Variants in NKAIN1 observed in about 807,000 individuals in gnomAD.
NKAIN1 encodes the protein sodium/potassium-transporting ATPase subunit beta-1-interacting protein 1.
In NKAIN1, 13 loss-of-function variants were observed where a neutral mutation model predicts 31.6. The observed-to-expected ratio is 0.41, with a 90% CI of 0.27 to 0.65. The LOEUF (loss-of-function observed/expected upper bound fraction) is 0.65, where lower values mean the gene tolerates loss of function less well. NKAIN1 is among the 30% of genes least tolerant of loss of function. NKAIN1 has a pLI of 0.30. For missense variants in NKAIN1, 193 were observed against 262.2 expected, an observed-to-expected ratio of 0.74 and a Z score of 1.82; for synonymous variants, 104 against 109.0, an observed-to-expected ratio of 0.95 and a Z score of 0.28.
At chr1:31,184,502 C>A (rs1347035596) in intron 3 of NKAIN1, among the ~76,000 whole-genome samples, 1 of 152,116 alleles carries the variant, frequency 6.6e-6, no homozygotes, top group Non-Finnish European at 1.5e-5. Context: ...CGACCAGGGG[C>A]CAAGCACTCA....
Position 31,213,532 on chromosome 1 carries a change from G to T in NKAIN1, c.55-25345C>A, listed in dbSNP as rs115243828. Among the ~76,000 whole-genome samples, 837 of 152,308 alleles carry T rather than the reference G, an allele frequency of 5.5e-3. 11 individuals carry two copies. Among genetic ancestry groups the T allele is most frequent in the African/African-American group, 0.019 (805 of 41,556 alleles). The stretch of plus-strand genomic sequence containing the variant: ...AATGGGGCTAGTTCTTCCAACAGCT[G>T]GACACAGAGATATCATGCGGCCCTG... On this transcript the variant is annotated intron_variant, in intron 1 of 6. Coordinates refer to ENST00000373736, the MANE Select transcript of NKAIN1 (RefSeq NM_024522.3).
chr1:31,205,184 A>G (rs1487540555), intron 1 of NKAIN1, among the ~76,000 whole-genome samples: 1 of 152,040 alleles, frequency 6.6e-6, no homozygotes, highest in African/African-American at 2.4e-5. Flanking sequence ...GGGCTGGAAT[A>G]CAATGGCTCG....
At chr1:31,230,051 C>T (rs373313313) in intron 1 of NKAIN1, among the ~76,000 whole-genome samples, 7 of 152,152 alleles carry the variant, frequency 4.6e-5, no homozygotes, top group Non-Finnish European at 7.3e-5. Context: ...GAGAAGACCA[C>T]GGTCCAGCAA....
intron 1 of NKAIN1, among the ~76,000 whole-genome samples, chr1:31,191,246 G>A (rs1026266708): frequency 2.1e-4 from 31 of 150,712 alleles, no homozygotes; most frequent in African/African-American, 6.8e-4. Flanking sequence ...AGCCAAGATC[G>A]CGCCACTGTA....
chr1:31,210,952 T>C (rs148658448), intron 1 of NKAIN1, among the ~76,000 whole-genome samples: 1 of 152,330 alleles, frequency 6.6e-6, no homozygotes, highest in Non-Finnish European at 1.5e-5. Context: ...AAAGCAGACA[T>C]AGCCCCTGTC....
chr1:31,204,500 C>T (rs1218957355), intron 1 of NKAIN1, among the ~76,000 whole-genome samples: 4 of 152,116 alleles, frequency 2.6e-5, no homozygotes, highest in Admixed American at 6.6e-5. Flanking sequence ...TCCCAGATGC[C>T]GGGACCCCGG....
chr1:31,197,693 CCT>C (rs1268260079), intron 1 of NKAIN1, among the ~76,000 whole-genome samples: 37 of 150,148 alleles, frequency 2.5e-4, no homozygotes, highest in Non-Finnish European at 4.4e-4. Flanking sequence ...ATTACAGGCA[CCT>C]GCCACCAAGC....
At chr1:31,223,516 C>T (rs1287031662) in intron 1 of NKAIN1, among the ~76,000 whole-genome samples, 3 of 152,128 alleles carry the variant, frequency 2.0e-5, no homozygotes, top group African/African-American at 7.2e-5. Flanking sequence ...GCGATCTCCG[C>T]TTACTGCAAG....
At chr1:31,221,525 T>TC (rs1019593353) in intron 1 of NKAIN1, among the ~76,000 whole-genome samples, 1 of 152,052 alleles carries the variant, frequency 6.6e-6, no homozygotes, top group African/African-American at 2.4e-5. Context: ...AACATCCGCC[T>TC]CCCGGGTTCA....
intron 2 of NKAIN1, among the ~76,000 whole-genome samples, chr1:31,186,982 G>C (rs977763598): frequency 6.6e-6 from 1 of 152,236 alleles, no homozygotes; most frequent in African/African-American, 2.4e-5. Flanking sequence ...TTCTACCCAA[G>C]TCCTGTGCCT....
At chr1:31,197,769 A>G (rs2148353847) in intron 1 of NKAIN1, among the ~76,000 whole-genome samples, 1 of 149,954 alleles carries the variant, frequency 6.7e-6, no homozygotes, top group Non-Finnish European at 1.5e-5. Context: ...CTGGTCTCAA[A>G]CTCCTGACCT....
At chr1:31,224,153 C>G (rs926302446) in intron 1 of NKAIN1, among the ~76,000 whole-genome samples, 2 of 152,192 alleles carry the variant, frequency 1.3e-5, no homozygotes, top group Non-Finnish European at 2.9e-5. Context: ...GAATGGGCAG[C>G]TGCAGAGGTT....
At chr1:31,236,153 C>T (rs1645690980) in intron 1 of NKAIN1, among the ~76,000 whole-genome samples, 4 of 152,200 alleles carry the variant, frequency 2.6e-5, no homozygotes, top group South Asian at 4.1e-4. Context: ...CCCAAAATTG[C>T]ATAGCCAGGA....
At chr1:31,188,772 C>G (rs1348216150) in intron 1 of NKAIN1, among the ~76,000 whole-genome samples, 1 of 152,144 alleles carries the variant, frequency 6.6e-6, no homozygotes, top group Non-Finnish European at 1.5e-5. Context: ...TTGGCAAACA[C>G]AATGCAAACC....
intron 1 of NKAIN1, among the ~76,000 whole-genome samples, chr1:31,197,796 C>T (rs959064056): frequency 6.6e-6 from 1 of 152,200 alleles, no homozygotes; most frequent in Middle Eastern, 3.4e-3. Context: ...ATCTGCCCAC[C>T]GTGGCCTCCC....
intron 1 of NKAIN1, among the ~76,000 whole-genome samples, chr1:31,230,673 T>C (rs1223725109): frequency 1.3e-5 from 2 of 152,092 alleles, no homozygotes; most frequent in Admixed American, 6.6e-5. Context: ...TAAACCCAGC[T>C]CTCCCCCCAT....
chr1:31,226,972 A>C (rs1645612973), intron 1 of NKAIN1, among the ~76,000 whole-genome samples: 1 of 148,252 alleles, frequency 6.7e-6, no homozygotes, highest in Admixed American at 6.7e-5. Flanking sequence ...TTACAGGTGC[A>C]CGCCACCACA....
At chr1:31,208,350 G>A (rs111993443) in intron 1 of NKAIN1, among the ~76,000 whole-genome samples, 4 of 143,218 alleles carry the variant, frequency 2.8e-5, no homozygotes, top group Admixed American at 7.0e-5. Context: ...TCCACCCCCC[G>A]CTTATGGAAA....
chr1:31,220,170 G>C (rs2148363342), intron 1 of NKAIN1, among the ~76,000 whole-genome samples: 1 of 97,792 alleles, frequency 1.0e-5, no homozygotes, highest in Admixed American at 1.3e-4. Context: ...ACCACGCCCA[G>C]CTAATTTTTT....
Sources: gnomAD v4.1 joint callset for allele counts (sites outside exome capture counted in the v4.1 genomes callset) on GRCh38, gnomAD v4.1.1 for gene constraint, MANE v1.5 for transcripts, NCBI Gene and HGNC (gene_info 2026-07-23, HGNC 2026-07-21) for gene names.